Variants in CERS6 observed in about 807,000 individuals in gnomAD.
CERS6 encodes LAG1 homolog, ceramide synthase 6.
A neutral mutation model predicts 56.8 loss-of-function variants in CERS6; 26 were observed. The ratio of observed to expected loss-of-function variants is 0.46; its 90% CI spans 0.34 to 0.63. The LOEUF (loss-of-function observed/expected upper bound fraction) is 0.63. CERS6 is among the 30% of genes least tolerant of loss of function. The probability of loss-of-function intolerance (pLI) is 0.01; values close to 1 mark genes in which losing one functional copy is unlikely to be tolerated. For missense variants in CERS6, 415 were observed against 467.5 expected (o/e 0.89, Z 1.04); for synonymous variants, 164 against 173.3 (o/e 0.95, Z 0.42).
chr2:168,588,507 C>T lies in CERS6; in HGVS notation c.407+27185C>T, dbSNP rs888783429. Among the ~76,000 whole-genome samples, 4 of 152,098 alleles carry T rather than the reference C, an allele frequency of 2.6e-5. 1 individual carries two copies. Among genetic ancestry groups the T allele is most frequent in the South Asian group, 4.1e-4 (2 of 4,830 alleles). ...GTACTTTATATAAGTGGAATCACACCGTTTTTGTCCTTTTGTAACTGCCTT... is the reference window on the plus strand; with the variant it reads ...GTACTTTATATAAGTGGAATCACACTGTTTTTGTCCTTTTGTAACTGCCTT... On this transcript the variant is annotated intron_variant, in intron 3 of 9. Transcript: ENST00000305747.
chr2:168,721,043 C>T (rs1295056764), intron 8 of CERS6, among the ~76,000 whole-genome samples: 1 of 152,170 alleles, frequency 6.6e-6, no homozygotes, highest in Non-Finnish European at 1.5e-5. Context: ...TAGCGCAATG[C>T]ATTCATTACT....
At chr2:168,464,174 T>TTTTGTGTG (rs766821494) in intron 1 of CERS6, among the ~76,000 whole-genome samples, 4 of 139,696 alleles carry the variant, frequency 2.9e-5, no homozygotes, top group East Asian at 2.1e-4. Context: ...TTTATACTTT[T>TTTTGTGTG]TGTGTGTGTG....
At chr2:168,487,474 C>T (rs573347282) in intron 1 of CERS6, among the ~76,000 whole-genome samples, 18 of 152,266 alleles carry the variant, frequency 1.2e-4, no homozygotes, top group Admixed American at 3.9e-4. Context: ...TCAGGTATAA[C>T]CCCCAAAACA....
At chr2:168,665,470 G>A (rs989893613) in intron 4 of CERS6, among the ~76,000 whole-genome samples, 3 of 152,086 alleles carry the variant, frequency 2.0e-5, no homozygotes, top group African/African-American at 7.2e-5. Flanking sequence ...AGATCTCATG[G>A]GACACACAGC....
chr2:168,634,108 C>T (rs965546157), intron 4 of CERS6, among the ~76,000 whole-genome samples: 1 of 152,272 alleles, frequency 6.6e-6, no homozygotes, highest in East Asian at 1.9e-4. Context: ...GAAGTAGACA[C>T]TACAGAACAA....
chr2:168,514,223 G>A (rs1038472030), intron 1 of CERS6, among the ~76,000 whole-genome samples: 1 of 152,102 alleles, frequency 6.6e-6, no homozygotes, highest in African/African-American at 2.4e-5. Context: ...GCTCCCCATG[G>A]CCTTAAAAAT....
At chr2:168,755,778 C>T (rs541079109) in intron 8 of CERS6, among the ~76,000 whole-genome samples, 1 of 152,282 alleles carries the variant, frequency 6.6e-6, no homozygotes, top group Non-Finnish European at 1.5e-5. Flanking sequence ...CTCTACTTGT[C>T]AGTGGAGTCC....
chr2:168,483,186 TAA>T (rs1694208123), intron 1 of CERS6, among the ~76,000 whole-genome samples: 1 of 152,228 alleles, frequency 6.6e-6, no homozygotes, highest in African/African-American at 2.4e-5. Flanking sequence ...AATCCTCACA[TAA>T]AGTCTGTGAA....
chr2:168,623,854 G>C (rs989308988), intron 3 of CERS6, among the ~76,000 whole-genome samples: 1 of 152,152 alleles, frequency 6.6e-6, no homozygotes, highest in Non-Finnish European at 1.5e-5. Flanking sequence ...GATGTCGATG[G>C]AGACCTGGTG....
intron 8 of CERS6, among the ~76,000 whole-genome samples, chr2:168,719,940 A>ATT (rs879363924): frequency 1.4e-5 from 2 of 146,532 alleles, no homozygotes. Flanking sequence ...TCAAAATAGT[A>ATT]TTTTTTTTTT....
At chr2:168,509,204 C>G (rs1356966435) in intron 1 of CERS6, among the ~76,000 whole-genome samples, 1 of 152,198 alleles carries the variant, frequency 6.6e-6, no homozygotes, top group African/African-American at 2.4e-5. Context: ...GACACAAATT[C>G]AAACATTCTT....
At chr2:168,703,641 A>G (rs1172922873) in intron 6 of CERS6, among the ~76,000 whole-genome samples, 1 of 152,164 alleles carries the variant, frequency 6.6e-6, no homozygotes. Context: ...TTGAAAAGCT[A>G]AAATCACACC....
intron 1 of CERS6, among the ~76,000 whole-genome samples, chr2:168,513,870 G>GGA (rs573024046): frequency 1.3e-5 from 2 of 152,008 alleles, no homozygotes; most frequent in Non-Finnish European, 2.9e-5. Flanking sequence ...CCAGAGCTAG[G>GGA]GAGAGAGAGA....
At chr2:168,717,824 T>TA (rs750051430) in intron 7 of CERS6, 48 bp from the exon 8 acceptor site, 8 of 1,413,814 alleles carry the variant, frequency 5.7e-6, no homozygotes, top group Non-Finnish European at 5.9e-6. Context: ...AGAAACTTTT[T>TA]ATTATCAGTT....
At chr2:168,658,564 A>G (rs1685551001) in intron 4 of CERS6, among the ~76,000 whole-genome samples, 1 of 152,252 alleles carries the variant, frequency 6.6e-6, no homozygotes, top group Admixed American at 6.5e-5. Flanking sequence ...CCCCAGCGTC[A>G]GGCGTGCTTG....
At chr2:168,515,490 G>A (rs1334704520) in intron 1 of CERS6, among the ~76,000 whole-genome samples, 1 of 152,154 alleles carries the variant, frequency 6.6e-6, no homozygotes, top group Non-Finnish European at 1.5e-5. Flanking sequence ...CACCAAGTGG[G>A]GAGGGGAATT....
At chr2:168,520,816 G>T (rs1226054608) in intron 1 of CERS6, among the ~76,000 whole-genome samples, 1 of 151,386 alleles carries the variant, frequency 6.6e-6, no homozygotes, top group African/African-American at 2.4e-5. Flanking sequence ...CACCATGTTG[G>T]CCAGGCTGGT....
At chr2:168,765,881 C>A in intron 9 of CERS6, 133 bp downstream of exon 9, 1 of 778,336 alleles carries the variant, frequency 1.3e-6, no homozygotes, top group Non-Finnish European at 2.0e-6. Context: ...AAAATTGAGT[C>A]ATTTCCTTTT....
rs187632679 is a variant in CERS6, at chr2:168,703,355, G to A, written c.609+8304G>A. ...GCGGATCACTTGAGGTCAGGAGTTCGAGACCAGCCTGGCCAACATGGTGAA... is the reference window on the plus strand; with the variant it reads ...GCGGATCACTTGAGGTCAGGAGTTCAAGACCAGCCTGGCCAACATGGTGAA... On this transcript the variant is annotated intron_variant, in intron 6 of 9. Coordinates refer to ENST00000305747, the MANE Select transcript of CERS6 (RefSeq NM_203463.3). Among the ~76,000 whole-genome samples the A allele has an allele frequency of 4.1e-3, 620 of 152,164 alleles. 5 individuals are homozygous for A. The highest frequency in any genetic ancestry group is 0.034 in the Middle Eastern group (10 of 294).
Sources: allele counts gnomAD v4.1 joint callset (sites outside exome capture counted in the v4.1 genomes callset), GRCh38; gene constraint gnomAD v4.1.1; transcripts MANE v1.5; gene names NCBI Gene and HGNC (gene_info 2026-07-23, HGNC 2026-07-21).